The following ARHGAP40 variants were observed in gnomAD, a reference collection of about 807,000 sequenced individuals.
ARHGAP40 encodes rho GTPase-activating protein 40.
ARHGAP40 carries 43 observed loss-of-function variants against 73.5 expected under a neutral mutation model. That is an observed-to-expected ratio of 0.58 (90% confidence interval 0.46 to 0.75). The LOEUF is 0.75. ARHGAP40 is among the 30% of genes least tolerant of loss of function. The probability of loss-of-function intolerance (pLI) is 0.00; values close to 1 mark genes in which losing one functional copy is unlikely to be tolerated. For missense variants in ARHGAP40, 734 were observed against 861.8 expected (o/e 0.85, Z 1.86); for synonymous variants, 300 against 352.8 (o/e 0.85, Z 1.68).
exon 7 of ARHGAP40, chr20:38,637,751 T>C (rs1389556513): frequency 7.7e-7 from 1 of 1,305,210 alleles, no homozygotes; most frequent in Non-Finnish European, 1.0e-6. Flanking sequence ...TGCTAGAAGC[T>C]GACCACAAAG....
intron 1 of ARHGAP40, among the ~76,000 whole-genome samples, chr20:38,602,671 T>C (rs1249176990): frequency 6.6e-6 from 1 of 152,262 alleles, no homozygotes; most frequent in South Asian, 2.1e-4. Context: ...AACTTACTAC[T>C]GTTAAAGTTT....
At chr20:38,638,721 A>C in intron 7 of ARHGAP40, 40 bp from the exon 8 acceptor site, 1 of 1,282,842 alleles carries the variant, frequency 7.8e-7, no homozygotes, top group South Asian at 1.2e-5. Flanking sequence ...CCTGCTTTTC[A>C]GCGGTTCCTG....
chr20:38,637,874 A>T lies in ARHGAP40; in HGVS notation c.1041+75A>T, dbSNP rs543378589. ...GCTCAGGGGACCATTGTCAGGAGAC[A>T]TCCAGCAAAGGGGTGAAAGGATGTG... On this transcript the variant is annotated intron_variant, in intron 7 of 14. Coordinates refer to ENST00000373345, the Ensembl canonical transcript of ARHGAP40. 113 of 1,171,766 alleles carry T rather than the reference A, an allele frequency of 9.6e-5. 2 individuals carry two copies. In the South Asian group the frequency reaches 1.5e-3, roughly 15 times the overall value. The allele number at this position is 1,171,766 out of a possible 1,614,324, so 72.6% of individuals were successfully genotyped here.
chr20:38,614,670 A>G (rs1258584195), intron 1 of ARHGAP40, among the ~76,000 whole-genome samples: 2 of 152,218 alleles, frequency 1.3e-5, no homozygotes, highest in Non-Finnish European at 2.9e-5. Context: ...TCTTTCTCAA[A>G]AGAGGGGGCA....
At chr20:38,642,132 C>G (rs1455937302) in intron 10 of ARHGAP40, among the ~76,000 whole-genome samples, 1 of 152,220 alleles carries the variant, frequency 6.6e-6, no homozygotes, top group African/African-American at 2.4e-5. Flanking sequence ...CAGGACTTCT[C>G]AAAGCCTTTG....
intron 1 of ARHGAP40, among the ~76,000 whole-genome samples, chr20:38,605,539 AG>A (rs1569005973): frequency 6.6e-6 from 1 of 152,206 alleles, no homozygotes; most frequent in Non-Finnish European, 1.5e-5. Flanking sequence ...AGTTGGAGTG[AG>A]GTGACTCTGT....
Position 38,616,040 on chromosome 20 carries a change from G to A in ARHGAP40, c.138-7319G>A, listed in dbSNP as rs533101471. ...ACCCAGGCGGCAGCTGTCCAGGGAC[G>A]GCTCTTCTCATGGTGTTGATAGCGG... On this transcript the variant is annotated intron_variant, in intron 1 of 14. Transcript: ENST00000373345. 1.2e-3 allele frequency among the ~76,000 whole-genome samples: 180 copies of A among 152,270 alleles called. 1 individual carries two copies. Among genetic ancestry groups the A allele is most frequent in the African/African-American group, 4.1e-3 (171 of 41,534 alleles).
rs553115358 is a variant in ARHGAP40 at position 38,625,628 on chromosome 20, G to A, written c.338-1367G>A. On this transcript the variant is annotated intron_variant, in intron 2 of 14. Transcript: ENST00000373345. The stretch of plus-strand genomic sequence containing the variant: ...GAGATGGGGTTTCGCCATGTTGGCC[G>A]GGCTGGTCTTGAAATCCTGATCTCA... Among the ~76,000 whole-genome samples the A allele has an allele frequency of 5.5e-4, 83 of 152,154 alleles. 1 individual carries two copies. Among genetic ancestry groups the A allele is most frequent in the African/African-American group, 2.0e-3 (81 of 41,508 alleles).
At chr20:38,647,379 G>T (rs4812124) in intron 13 of ARHGAP40, among the ~76,000 whole-genome samples, 7,623 of 36,010 alleles carry the variant, frequency 0.21, 391 homozygotes, top group African/African-American at 0.48. Context: ...TTTTTCTGTT[G>T]GTTTGTTTGT....
At chr20:38,649,910 A>G (rs2089078684) in exon 15 of ARHGAP40, 4 of 1,180,826 alleles carry the variant, frequency 3.4e-6, no homozygotes, top group African/African-American at 3.2e-5. Flanking sequence ...CTCTGTGTCC[A>G]TGTACCCAGC....
chr20:38,642,028 T>G (rs2089021991), intron 10 of ARHGAP40, among the ~76,000 whole-genome samples: 2 of 152,142 alleles, frequency 1.3e-5, no homozygotes. Flanking sequence ...GAGCGTCAGT[T>G]CCACGTGGTG....
At chr20:38,629,649 C>A (rs763083609) in exon 5 of ARHGAP40, 1 of 1,305,282 alleles carries the variant, frequency 7.7e-7, no homozygotes, top group East Asian at 5.5e-5. Flanking sequence ...TGTTCCCTGC[C>A]GGTGAGGATG....
At position 38,646,576 on chromosome 20, in the gene ARHGAP40, G is replaced by T. The variant is rs1456484474; in HGVS notation, c.1711-381G>T. ...ACTGAGTATTCCTAGGAGGGGTCCT[G>T]AACACGGTTCCTTATTAAAGTCCCG... On this transcript the variant is annotated intron_variant, in intron 12 of 14. Transcript: ENST00000373345. The surrounding 1 kb of genome is among the most constrained non-coding windows in gnomAD (Gnocchi z 4.5). Among the ~76,000 whole-genome samples, 1 of 152,276 alleles carries T rather than the reference G, an allele frequency of 6.6e-6. No individual in the cohort carries two copies. Among genetic ancestry groups the T allele is most frequent in the African/African-American group, 2.4e-5 (1 of 41,540 alleles).
intron 2 of ARHGAP40, among the ~76,000 whole-genome samples, chr20:38,626,386 C>T (rs988475046): frequency 5.3e-5 from 8 of 152,160 alleles, no homozygotes; most frequent in South Asian, 4.1e-4. Flanking sequence ...GGAAGACATT[C>T]GAAGTGCAGA....
intron 1 of ARHGAP40, among the ~76,000 whole-genome samples, chr20:38,607,944 C>A (rs143632460): frequency 1.1e-4 from 17 of 152,096 alleles, no homozygotes; most frequent in Non-Finnish European, 2.2e-4. Context: ...TATTTTTTTT[C>A]TTGTTGCTTT....
chr20:38,639,530 C>A, intron 9 of ARHGAP40, 144 bp downstream of exon 9: 1 of 987,002 alleles, frequency 1.0e-6, no homozygotes, highest in Non-Finnish European at 1.3e-6. Context: ...GGGGAAGAAG[C>A]AAGTGTGAAC....
At chr20:38,629,861 T>C (rs1012744850) in intron 5 of ARHGAP40, among the ~76,000 whole-genome samples, 1 of 152,222 alleles carries the variant, frequency 6.6e-6, no homozygotes, top group East Asian at 1.9e-4. Context: ...GTCCTGTCAG[T>C]ATTGTCTCCA....
At chr20:38,643,240 C>G (rs2089030077) in intron 10 of ARHGAP40, among the ~76,000 whole-genome samples, 2 of 152,160 alleles carry the variant, frequency 1.3e-5, no homozygotes, top group Admixed American at 1.3e-4. Flanking sequence ...CCCAGGAACA[C>G]AAAGAATACA....
At chr20:38,634,110 G>A (rs1050135534) in intron 5 of ARHGAP40, among the ~76,000 whole-genome samples, 2 of 152,122 alleles carry the variant, frequency 1.3e-5, no homozygotes, top group African/African-American at 4.8e-5. Flanking sequence ...CCAGCACTTT[G>A]GGAGGCTGAG....
Sources: gnomAD v4.1 joint callset for allele counts (sites outside exome capture counted in the v4.1 genomes callset) on GRCh38, gnomAD v4.1.1 for gene constraint, Gnocchi (gnomAD v3.1) non-coding constraint, MANE v1.5 for transcripts, NCBI Gene and HGNC (gene_info 2026-07-23, HGNC 2026-07-21) for gene names.